SLC38A8: variants seen among roughly 807,000 people sequenced by gnomAD.
SLC38A8 encodes the protein amino acid transporter SLC38A8.
A neutral mutation model predicts 46.0 loss-of-function variants in SLC38A8; 65 were observed. That is an observed-to-expected ratio of 1.41 (90% CI 1.16 to 1.74). SLC38A8 has a LOEUF of 1.74. Ranked by LOEUF, SLC38A8 falls within the 40% of genes most tolerant of loss-of-function variation. SLC38A8 has a pLI of 0.00. For synonymous variants in SLC38A8, 447 were observed against 243.7 expected (o/e 1.83, Z -7.77); for missense variants, 998 against 567.9 (o/e 1.76, Z -7.70).
intron 4 of SLC38A8, among the ~76,000 whole-genome samples, chr16:84,032,200 GTTT>G (rs869210132): frequency 8.6e-6 from 1 of 115,984 alleles, no homozygotes; most frequent in Non-Finnish European, 1.9e-5. Flanking sequence ...TGTTGTTGTT[GTTT>G]TTTGAGACGG....
chr16:84,024,679 G>T (rs113953878), intron 6 of SLC38A8, among the ~76,000 whole-genome samples: 5,435 of 152,150 alleles, frequency 0.036, 126 homozygotes, highest in Middle Eastern at 0.075. Context: ...TACTTGGGAG[G>T]CTAAGGCAGG....
At chr16:84,043,078 G>A (rs759158196), upstream of SLC38A8, among the ~76,000 whole-genome samples, 15 of 152,312 alleles carry the variant, frequency 9.8e-5, no homozygotes, top group Middle Eastern at 3.4e-3. Context: ...AGGCTCCACC[G>A]TCCGCAGGTG....
intron 5 of SLC38A8, 105 bp from the exon 6 acceptor site, chr16:84,029,656 C>T: frequency 8.9e-7 from 1 of 1,118,648 alleles, no homozygotes; most frequent in Admixed American, 2.1e-5. Flanking sequence ...TGTAACAGAG[C>T]ATGGCTGCAA....
chr16:84,031,759 C>T, intron 5 of SLC38A8, 108 bp downstream of exon 5: 2 of 903,912 alleles, frequency 2.2e-6, no homozygotes, highest in Non-Finnish European at 3.5e-6. Context: ...GGAAGGAGCC[C>T]AGGCTCTGCA....
chr16:84,015,211 C>T (rs1463817398), intron 9 of SLC38A8, among the ~76,000 whole-genome samples: 19 of 152,136 alleles, frequency 1.2e-4, no homozygotes, highest in Admixed American at 1.2e-3. Context: ...CCCTGGAACA[C>T]ACCCCCCACT....
chr16:84,031,948 G>A lies in SLC38A8; in HGVS notation c.551C>T (p.Ala184Val), dbSNP rs1012782578. ...KYTSILGTLA[A>V]CYLALVITVQ... ...GGTGATGACCAGGGCCAGGTAACAGGCAGCCAGAGTGCCTAGGATGCTAAC... is the reference window on the plus strand; with the variant it reads ...GGTGATGACCAGGGCCAGGTAACAGACAGCCAGAGTGCCTAGGATGCTAAC... Residue 184 changes from alanine to valine, a missense_variant, in exon 5 of 11, where the codon GCC (alanine) becomes GTC (valine). Coordinates refer to ENST00000299709, the MANE Select transcript of SLC38A8 (RefSeq NM_001080442.3). 6.2e-7 allele frequency: 1 copy of A among 1,614,210 alleles called. No individual in the cohort carries two copies. The highest frequency in any genetic ancestry group is 1.1e-5 in the South Asian group (1 of 91,086).
In SLC38A8 at chr16:84,017,137, C is replaced by T. The variant is rs779979743; in HGVS notation, c.953+3G>A. ...CGGTGCCCCCCACTGAGCCAGGCCT[C>T]ACCTCCCCAGGAAGAGCACGATGGG... is the stretch of plus-strand genomic sequence containing the variant. On this transcript the variant is annotated splice_donor_region_variant and intron_variant, in intron 8 of 10. Coordinates refer to ENST00000299709, the MANE Select transcript of SLC38A8 (RefSeq NM_001080442.3). 3 of 1,613,868 alleles carry T rather than the reference C, an allele frequency of 1.9e-6. No individual in the cohort carries two copies. Among genetic ancestry groups the T allele is most frequent in the Admixed American group, 3.3e-5 (2 of 59,980 alleles).
At chr16:84,028,345 C>T (rs906999958) in intron 6 of SLC38A8, among the ~76,000 whole-genome samples, 1 of 151,924 alleles carries the variant, frequency 6.6e-6, no homozygotes, top group Admixed American at 6.5e-5. Flanking sequence ...CTGTGGGAGG[C>T]CGAGGAGGGC....
At position 84,013,915 on chromosome 16, in the gene SLC38A8, G is replaced by C. The variant is rs77669913; in HGVS notation, c.1163-863C>G. ...GAATTTAATCTAACAGCCCAGACCA[G>C]GGAGTGTGAGGGAGGAGCCACGTGG... On this transcript the variant is annotated intron_variant, in intron 9 of 10. Coordinates refer to ENST00000299709, the MANE Select transcript of SLC38A8 (RefSeq NM_001080442.3). Among the ~76,000 whole-genome samples, 5 of 152,310 alleles carry C rather than the reference G, an allele frequency of 3.3e-5. No homozygotes were observed. The East Asian group carries it at 9.7e-4, about 29-fold the overall frequency.
intron 7 of SLC38A8, among the ~76,000 whole-genome samples, chr16:84,019,696 A>C (rs9938227): frequency 6.6e-6 from 1 of 152,098 alleles, no homozygotes; most frequent in African/African-American, 2.4e-5. Flanking sequence ...TCAGAGGTCC[A>C]AAGTCCAGAG....
At chr16:84,013,835 C>A (rs1043199905) in intron 9 of SLC38A8, among the ~76,000 whole-genome samples, 1 of 152,004 alleles carries the variant, frequency 6.6e-6, no homozygotes, top group Non-Finnish European at 1.5e-5. Context: ...CTGGGCAGTC[C>A]TTCCCACCAC....
At position 84,033,422 on chromosome 16, in the gene SLC38A8, A is replaced by G. The variant is rs1040079527; in HGVS notation, c.436T>C (p.Tyr146His). The G allele has an allele frequency of 6.2e-7, 1 of 1,612,786 alleles. No individual in the cohort carries two copies. Among genetic ancestry groups the G allele is most frequent in the Non-Finnish European group, 8.5e-7 (1 of 1,179,516 alleles). ...SGTPPAPQPW[Y>H]ADQRFTLPLL... is the part of the protein sequence containing the mutation. ...GGCAGGGTGAAGCGCTGGTCTGCGT[A>G]CCACGGCTGCGGGGCGGGCGGGGTG... Residue 146 changes from tyrosine (Y) to histidine (H), a missense_variant, in exon 4 of 11, where the codon TAC becomes CAC. Physicochemically the swap from Tyr to His is moderately conservative, Grantham distance 83. Transcript: ENST00000299709.
chr16:84,037,933 C>A (rs989458164), intron 2 of SLC38A8, among the ~76,000 whole-genome samples: 1 of 151,652 alleles, frequency 6.6e-6, no homozygotes, highest in East Asian at 1.9e-4. Flanking sequence ...CTCAACCTCC[C>A]GAGTATCTGG....
At chr16:84,013,494 C>A (rs1052810804) in intron 9 of SLC38A8, among the ~76,000 whole-genome samples, 5 of 142,688 alleles carry the variant, frequency 3.5e-5, no homozygotes, top group Non-Finnish European at 7.5e-5. Flanking sequence ...GCAGTGGCAC[C>A]ATCTCGGCTC....
In SLC38A8 at chr16:84,017,248, G is replaced by A. The variant is rs764222738; in HGVS notation, c.845C>T (p.Ala282Val). Reference protein sequence around the residue: ...GFLTFGTEVSADVLMSYPGND... With the variant: ...GFLTFGTEVSVDVLMSYPGND... ...GCCTGGGTAGGACATCAAGACGTCA[G>A]CAGAAACTTCTGTCCCAAAAGTCAG... Residue 282 changes from alanine (A) to valine (V), a missense_variant, in exon 8 of 11, where the codon GCT becomes GTT. Ala to Val is a moderately conservative substitution (Grantham distance 64). Transcript: ENST00000299709. 1.1e-5 allele frequency: 18 copies of A among 1,614,102 alleles called. No homozygotes were observed. The highest frequency in any genetic ancestry group is 1.5e-5 in the Non-Finnish European group (18 of 1,180,024).
At chr16:84,015,465 C>G (rs746596250) in intron 9 of SLC38A8, among the ~76,000 whole-genome samples, 2 of 152,024 alleles carry the variant, frequency 1.3e-5, no homozygotes, top group South Asian at 2.1e-4. Context: ...TTCACATATA[C>G]GATTTTCTTT....
At chr16:84,029,365 A>G in intron 6 of SLC38A8, 129 bp downstream of exon 6, 1 of 883,722 alleles carries the variant, frequency 1.1e-6, no homozygotes, top group Non-Finnish European at 1.8e-6. Context: ...GGCGGCACAG[A>G]GCCCACTGTA....
intron 7 of SLC38A8, among the ~76,000 whole-genome samples, chr16:84,021,067 C>T (rs941524499): frequency 1.1e-4 from 17 of 151,832 alleles, no homozygotes; most frequent in East Asian, 1.9e-4. Context: ...CCTTTTTTGC[C>T]GGCAGGGGAG....
chr16:84,036,643 C>T (rs1362168596), intron 3 of SLC38A8, 59 bp downstream of exon 3: 22 of 1,592,332 alleles, frequency 1.4e-5, no homozygotes, highest in Non-Finnish European at 1.8e-5. Flanking sequence ...CTGGAAACTC[C>T]AAGAGGTCAT....
Sources: allele counts gnomAD v4.1 joint callset (sites outside exome capture counted in the v4.1 genomes callset), GRCh38; gene constraint gnomAD v4.1.1; transcripts MANE v1.5; gene names NCBI Gene and HGNC (gene_info 2026-07-23, HGNC 2026-07-21).